Variants in ARB2A observed in about 807,000 individuals in gnomAD.
The protein encoded by ARB2A is cotranscriptional regulator ARB2A.
chr5:93,822,714 A>G, the ARB2A span, among the ~76,000 whole-genome samples: 456 of 152,138 alleles, frequency 3.0e-3, 3 homozygotes, highest in African/African-American at 0.011. Context: ...TATTTTAAAA[A>G]GTACATCATA....
At chr5:93,813,760 T>C in the ARB2A span, among the ~76,000 whole-genome samples, 2 of 152,166 alleles carry the variant, frequency 1.3e-5, no homozygotes, top group Non-Finnish European at 2.9e-5. Flanking sequence ...CAAATGTTTG[T>C]TGTATAAGCC....
chr5:93,747,590 C>G, the ARB2A span, among the ~76,000 whole-genome samples: 2 of 152,092 alleles, frequency 1.3e-5, no homozygotes, highest in Non-Finnish European at 2.9e-5. Flanking sequence ...AAACTGAATC[C>G]TCTTCCAGTC....
chr5:93,909,081 A>C, the ARB2A span, among the ~76,000 whole-genome samples: 1 of 151,092 alleles, frequency 6.6e-6, no homozygotes, highest in Non-Finnish European at 1.5e-5. Context: ...GAAATTGTGA[A>C]TAAGAAGTAT....
At chr5:93,937,379 G>C in the ARB2A span, among the ~76,000 whole-genome samples, 1 of 151,012 alleles carries the variant, frequency 6.6e-6, no homozygotes, top group African/African-American at 2.4e-5. Flanking sequence ...AAGGTGGGTG[G>C]ATCATGAGGT....
chr5:93,702,653 A>G, the ARB2A span, among the ~76,000 whole-genome samples: 1 of 152,102 alleles, frequency 6.6e-6, no homozygotes, highest in East Asian at 1.9e-4. Context: ...CCACTAATGG[A>G]AGGGTTGGGT....
chr5:93,797,809 G>T, the ARB2A span, among the ~76,000 whole-genome samples: 1 of 152,102 alleles, frequency 6.6e-6, no homozygotes, highest in Admixed American at 6.6e-5. Flanking sequence ...AGAAATGGGA[G>T]AACAAGAGAG....
chr5:94,022,704 C>G, the ARB2A span, among the ~76,000 whole-genome samples: 1 of 152,166 alleles, frequency 6.6e-6, no homozygotes, highest in Non-Finnish European at 1.5e-5. Flanking sequence ...ATGAAGTTGA[C>G]ACATCAATTT....
At chr5:93,830,237 T>C in the ARB2A span, among the ~76,000 whole-genome samples, 3 of 149,392 alleles carry the variant, frequency 2.0e-5, no homozygotes, top group East Asian at 5.9e-4. Context: ...GAGATGGTCC[T>C]AAATACTCCA....
chr5:93,961,996 T>C, the ARB2A span, among the ~76,000 whole-genome samples: 160 of 152,280 alleles, frequency 1.1e-3, 1 homozygote, highest in African/African-American at 3.4e-3. Flanking sequence ...ATAAAGATAG[T>C]GCTAATTTTA....
the ARB2A span, chr5:93,618,180 C>T: frequency 6.6e-6 from 1 of 151,444 alleles, no homozygotes; most frequent in Non-Finnish European, 1.5e-5. Flanking sequence ...TAATGCAATC[C>T]AGGTCAAAGC....
the ARB2A span, among the ~76,000 whole-genome samples, chr5:93,860,222 G>T: frequency 1.3e-5 from 2 of 152,182 alleles, no homozygotes; most frequent in South Asian, 2.1e-4. Flanking sequence ...GAACCCAGGA[G>T]GCGGAGCTTG....
At chr5:93,851,920 G>A in the ARB2A span, among the ~76,000 whole-genome samples, 2 of 152,180 alleles carry the variant, frequency 1.3e-5, no homozygotes. Flanking sequence ...ACATACAAGT[G>A]CATGTGTCTT....
chr5:93,966,303 C>T, the ARB2A span, among the ~76,000 whole-genome samples: 8 of 152,022 alleles, frequency 5.3e-5, no homozygotes, highest in South Asian at 1.0e-3. Flanking sequence ...ACCACCATGC[C>T]AAATACTTGA....
the ARB2A span, among the ~76,000 whole-genome samples, chr5:93,859,828 T>C: frequency 6.6e-6 from 1 of 152,108 alleles, no homozygotes; most frequent in Admixed American, 6.5e-5. Flanking sequence ...TTGAGAAGGG[T>C]GTGAAACAAC....
At chr5:93,723,381 T>C in the ARB2A span, among the ~76,000 whole-genome samples, 2 of 152,160 alleles carry the variant, frequency 1.3e-5, no homozygotes, top group Non-Finnish European at 2.9e-5. Flanking sequence ...AAAAGACATG[T>C]AGAGAAAGGT....
At chr5:94,089,663 A>G in the ARB2A span, among the ~76,000 whole-genome samples, 1 of 150,620 alleles carries the variant, frequency 6.6e-6, no homozygotes, top group Non-Finnish European at 1.5e-5. Context: ...TCCCAGAGTA[A>G]GCTGTAAGCC....
chr5:93,691,891 A>G, the ARB2A span, among the ~76,000 whole-genome samples: 1 of 152,202 alleles, frequency 6.6e-6, no homozygotes, highest in South Asian at 2.1e-4. Context: ...AAATGAAAGA[A>G]TTTTCAACCC....
chr5:93,754,285 T>C, the ARB2A span, among the ~76,000 whole-genome samples: 1 of 152,200 alleles, frequency 6.6e-6, no homozygotes, highest in African/African-American at 2.4e-5. Flanking sequence ...CTATATACTT[T>C]TCTTACTTAT....
the ARB2A span, among the ~76,000 whole-genome samples, chr5:93,653,511 CAAAAAAAAAAAAAAAAAAAAAAAAAA>C: frequency 0.014 from 440 of 31,420 alleles, 5 homozygotes; most frequent in Non-Finnish European, 0.017. Flanking sequence ...GACTCCGTCT[CAAAAAAAAAAAAAAAAAAAAAAAAAA>C]AAAAAAAAAA....
Sources: gnomAD v4.1 joint callset for allele counts (sites outside exome capture counted in the v4.1 genomes callset) on GRCh38, gnomAD v4.1.1 for gene constraint, MANE v1.5 for transcripts, NCBI Gene and HGNC (gene_info 2026-07-23, HGNC 2026-07-21) for gene names.